PRH1: variants seen among roughly 807,000 people sequenced by gnomAD.
The protein encoded by PRH1 is proline rich protein HaeIII subfamily 1, also known as salivary acidic proline-rich phosphoprotein 1/2.
A neutral mutation model predicts 7.9 loss-of-function variants in PRH1; 7 were observed. The ratio of observed to expected loss-of-function variants is 0.89; its 90% CI spans 0.50 to 1.67. The LOEUF (loss-of-function observed/expected upper bound fraction) is 1.67. Ranked by LOEUF, PRH1 falls within the 40% of genes most tolerant of loss-of-function variation. PRH1 has a pLI of 0.00. For synonymous variants in PRH1, 45 were observed against 80.8 expected, an observed-to-expected ratio of 0.56 and a Z score of 2.38; for missense variants, 109 against 223.6, an observed-to-expected ratio of 0.49 and a Z score of 3.27.
chr12:11,149,494 G>C (rs2136421257), intron 1 of PRH1, among the ~76,000 whole-genome samples: 1 of 151,534 alleles, frequency 6.6e-6, no homozygotes, highest in Middle Eastern at 3.4e-3. Context: ...GAACAGAACA[G>C]AGCCGTCAGA....
rs1942788506 is a variant in PRH1, at chr12:11,043,383, C to T, written c.-126+3637G>A. On this transcript the variant is annotated intron_variant, in intron 1 of 3. Coordinates refer to the PRH1 transcript ENST00000539853. ...AAAGACTTTCCTCTAAGATCTGGAA[C>T]ATGCCAAAAATGCTCACAATCACTG... Among the ~76,000 whole-genome samples the T allele has an allele frequency of 2.6e-5, 4 of 152,268 alleles. No homozygotes were observed. In the South Asian group the frequency reaches 8.3e-4, roughly 32 times the overall value.
chr12:10,913,046 C>T (rs1190142094), intron 2 of PRH1, among the ~76,000 whole-genome samples: 2 of 152,190 alleles, frequency 1.3e-5, no homozygotes, highest in Admixed American at 1.3e-4. Flanking sequence ...GTCCTGTCAA[C>T]TTTTACTTTA....
rs150562236 is a variant in PRH1, at chr12:11,020,362, C to CAAGA, written c.-126+26657_-126+26658insTCTT. 8.4e-4 allele frequency among the ~76,000 whole-genome samples: 109 copies of CAAGA among 130,534 alleles called. 5 individuals carry two copies. Among genetic ancestry groups the CAAGA allele is most frequent in the African/African-American group, 2.3e-3 (79 of 34,192 alleles). 85.6% of individuals were successfully genotyped at this position (130,534 alleles called of 152,430 possible). On this transcript the variant is annotated intron_variant, in intron 1 of 3. Transcript: ENST00000539853. Reference sequence around the variant, plus strand: ...TGTACTAGGGAGGACGTATGATAAGCGATATATATATATATATATATATAT... The same window carrying CAAGA: ...TGTACTAGGGAGGACGTATGATAAGCAAGAGATATATATATATATATATATATAT...
intron 1 of PRH1, among the ~76,000 whole-genome samples, chr12:11,110,866 AAT>A (rs1945570132): frequency 6.6e-6 from 1 of 151,952 alleles, no homozygotes; most frequent in Non-Finnish European, 1.5e-5. Flanking sequence ...CAGCAAATTG[AAT>A]AGAGTCAAGA....
chr12:11,071,834 A>G (rs1384278693), intron 1 of PRH1, among the ~76,000 whole-genome samples: 2 of 152,182 alleles, frequency 1.3e-5, no homozygotes, highest in Non-Finnish European at 2.9e-5. Flanking sequence ...ATGGTAGAAA[A>G]GGCACCAAGC....
chr12:11,037,768 G>T (rs369578444), intron 1 of PRH1, among the ~76,000 whole-genome samples: 2,033 of 152,018 alleles, frequency 0.013, no homozygotes, highest in Middle Eastern at 0.027. Context: ...GGTCAGGTGT[G>T]GTGGCTCACA....
At chr12:10,920,150 T>C (rs1950026493) in intron 2 of PRH1, among the ~76,000 whole-genome samples, 1 of 152,046 alleles carries the variant, frequency 6.6e-6, no homozygotes, top group South Asian at 2.1e-4. Context: ...CATCTCAGCC[T>C]CCCAACATGC....
chr12:11,050,915 G>T (rs560045764), upstream of PRH1, among the ~76,000 whole-genome samples: 52 of 152,278 alleles, frequency 3.4e-4, no homozygotes, highest in Non-Finnish European at 6.9e-4. Flanking sequence ...AGAAACTAAT[G>T]GAGTCAGAAT....
chr12:10,934,519 G>A (rs539583113), intron 2 of PRH1, among the ~76,000 whole-genome samples: 2 of 152,054 alleles, frequency 1.3e-5, no homozygotes, highest in African/African-American at 4.8e-5. Context: ...GCTGCAAAGA[G>A]AGAGCTCCAA....
At position 11,077,491 on chromosome 12, in the gene PRH1, T is replaced by C; in HGVS notation, n.124-30303A>G. On this transcript the variant is annotated intron_variant and non_coding_transcript_variant, in intron 1 of 4. Coordinates refer to the PRH1 transcript ENST00000541977. ...AAGTTTGTTCTGCTGTGTTCAAAGATTCCAGGTTAATGTGATTAGATACAG... is the reference window on the plus strand; with the variant it reads ...AAGTTTGTTCTGCTGTGTTCAAAGACTCCAGGTTAATGTGATTAGATACAG... 2 of 1,002,852 alleles carry C rather than the reference T, an allele frequency of 2.0e-6. 1 individual carries two copies. Among genetic ancestry groups the C allele is most frequent in the Non-Finnish European group, 2.9e-6 (2 of 695,186 alleles). The allele number at this position is 1,002,852 out of a possible 1,614,324, so 62.1% of individuals were successfully genotyped here.
At chr12:11,091,097 T>TACACACACAC (rs34115566) in intron 1 of PRH1, among the ~76,000 whole-genome samples, 1 of 32,596 alleles carries the variant, frequency 3.1e-5, no homozygotes, top group South Asian at 1.1e-3. Context: ...CATACACAAA[T>TACACACACAC]ACACACACAC....
At chr12:11,047,511 AT>A (rs1384410340), upstream of PRH1, among the ~76,000 whole-genome samples, 1 of 93,106 alleles carries the variant, frequency 1.1e-5, no homozygotes, top group Non-Finnish European at 2.4e-5. Flanking sequence ...TCAGATGTCA[AT>A]TTCAAAAAAA....
chr12:11,043,747 T>G (rs1451820946), intron 1 of PRH1, among the ~76,000 whole-genome samples: 2 of 151,810 alleles, frequency 1.3e-5, no homozygotes, highest in Admixed American at 1.3e-4. Context: ...AGATGAAAGA[T>G]CTCTATAATG....
intron 1 of PRH1, among the ~76,000 whole-genome samples, chr12:10,995,403 C>T (rs1230638945): frequency 6.6e-6 from 1 of 152,046 alleles, no homozygotes; most frequent in Non-Finnish European, 1.5e-5. Context: ...TTGCATAACA[C>T]CAGAAATTAA....
At chr12:10,908,412 G>A (rs1363695985) in intron 2 of PRH1, 1 of 1,612,948 alleles carries the variant, frequency 6.2e-7, no homozygotes, top group Non-Finnish European at 8.5e-7. Flanking sequence ...TACCTTAGCT[G>A]CCACCAAAAG....
At chr12:10,937,232 C>CTG (rs56393802) in intron 2 of PRH1, among the ~76,000 whole-genome samples, 4 of 110,228 alleles carry the variant, frequency 3.6e-5, no homozygotes, top group African/African-American at 1.3e-4. Flanking sequence ...CTCTCTCTCT[C>CTG]TGTGTGTGTG....
At chr12:10,965,408 C>A (rs900998954) in intron 2 of PRH1, 4 of 695,874 alleles carry the variant, frequency 5.7e-6, no homozygotes, top group Non-Finnish European at 8.7e-6. Context: ...TGGCTGTGAT[C>A]CTTTAATATC....
At chr12:10,929,657 T>C (rs1277280813) in intron 2 of PRH1, among the ~76,000 whole-genome samples, 1 of 152,206 alleles carries the variant, frequency 6.6e-6, no homozygotes, top group African/African-American at 2.4e-5. Context: ...GTGAAGATCC[T>C]ATACTGATCC....
chr12:11,085,160 C>T (rs780474577), intron 1 of PRH1, among the ~76,000 whole-genome samples: 1 of 102,482 alleles, frequency 9.8e-6, no homozygotes, highest in African/African-American at 3.2e-5. Context: ...TATTTTTCTT[C>T]AAGTTTTAAA....
Sources: gnomAD v4.1 joint callset for allele counts (sites outside exome capture counted in the v4.1 genomes callset) on GRCh38, gnomAD v4.1.1 for gene constraint, MANE v1.5 for transcripts, NCBI Gene and HGNC (gene_info 2026-07-23, HGNC 2026-07-21) for gene names.